NTM: variants seen among roughly 807,000 people sequenced by gnomAD.
NTM encodes the protein neurotrimin, also known as IgLON family member 2.
In NTM, 13 loss-of-function variants were observed where a neutral mutation model predicts 42.1. The ratio of observed to expected loss-of-function variants is 0.31; its 90% CI spans 0.20 to 0.49. The LOEUF (loss-of-function observed/expected upper bound fraction) is 0.49. Among genes scored for constraint, NTM ranks in the 20% least tolerant of loss-of-function variants. The pLI, the probability that NTM is intolerant of heterozygous loss-of-function variation, is 0.99. For synonymous variants in NTM, 187 were observed against 179.2 expected (o/e 1.04, Z -0.35); for missense variants, 373 against 452.8 (o/e 0.82, Z 1.60).
chr11:131,664,763 T>G lies in NTM; in HGVS notation c.83-246801T>G, dbSNP rs977400221. On this transcript the variant is annotated intron_variant, in intron 1 of 8. Transcript: ENST00000683400. ...CTGCTCTCTTCCATTGTTTTTTTTT[T>G]TTTTTTTTTTTTTTTTAGATTTTAA... Among the ~76,000 whole-genome samples, 368 of 150,262 alleles carry G rather than the reference T, an allele frequency of 2.4e-3. 2 individuals are homozygous for G. Among genetic ancestry groups the G allele is most frequent in the African/African-American group, 8.6e-3 (352 of 40,730 alleles).
At chr11:131,959,894 A>C (rs1173380355) in intron 2 of NTM, among the ~76,000 whole-genome samples, 1 of 152,190 alleles carries the variant, frequency 6.6e-6, no homozygotes, top group Non-Finnish European at 1.5e-5. Context: ...ACAAAAGGGA[A>C]AGTTTTCCTT....
intron 1 of NTM, among the ~76,000 whole-genome samples, chr11:131,563,359 G>A (rs1023939754): frequency 6.6e-6 from 1 of 152,102 alleles, no homozygotes; most frequent in Non-Finnish European, 1.5e-5. Context: ...TGTCAAGGAC[G>A]GCACTCTCTA....
intron 1 of NTM, among the ~76,000 whole-genome samples, chr11:131,773,545 C>T (rs1420695880): frequency 6.6e-6 from 1 of 152,084 alleles, no homozygotes; most frequent in Non-Finnish European, 1.5e-5. Flanking sequence ...TGTTGTTGTC[C>T]AGCATTTTCT....
At chr11:131,532,382 T>C (rs2051415429) in intron 1 of NTM, among the ~76,000 whole-genome samples, 1 of 152,212 alleles carries the variant, frequency 6.6e-6, no homozygotes, top group Non-Finnish European at 1.5e-5. Context: ...ATCTATGTTG[T>C]AGCGGGTATC....
At chr11:131,739,200 T>C (rs1453053452) in intron 1 of NTM, among the ~76,000 whole-genome samples, 1 of 151,580 alleles carries the variant, frequency 6.6e-6, no homozygotes, top group Non-Finnish European at 1.5e-5. Flanking sequence ...TTTTTTTTTT[T>C]AAAGAGTCCA....
intron 3 of NTM, among the ~76,000 whole-genome samples, chr11:132,195,716 C>T (rs1369062818): frequency 6.6e-6 from 1 of 152,118 alleles, no homozygotes; most frequent in Non-Finnish European, 1.5e-5. Context: ...AAAGGACTCC[C>T]TATTCAATAG....
At chr11:131,766,079 G>T (rs1319237093) in intron 1 of NTM, among the ~76,000 whole-genome samples, 1 of 152,092 alleles carries the variant, frequency 6.6e-6, no homozygotes, top group African/African-American at 2.4e-5. Context: ...GCATGGAGGG[G>T]GCTGACTGAG....
chr11:131,607,549 G>A (rs1027326068), intron 1 of NTM, among the ~76,000 whole-genome samples: 2 of 152,060 alleles, frequency 1.3e-5, no homozygotes, highest in African/African-American at 4.8e-5. Context: ...CTCAATGATG[G>A]CCTCTCTCTC....
chr11:131,810,791 G>T (rs2092702419), intron 1 of NTM, among the ~76,000 whole-genome samples: 1 of 152,142 alleles, frequency 6.6e-6, no homozygotes, highest in Non-Finnish European at 1.5e-5. Context: ...CAGATGGATT[G>T]CCTAGTCAGC....
Position 131,632,673 on chromosome 11 carries a change from C to CTTTTTTTTTTTT in NTM, c.82+261793_82+261804dup, listed in dbSNP as rs529612626. 1.7e-3 allele frequency among the ~76,000 whole-genome samples: 139 copies of CTTTTTTTTTTTT among 83,082 alleles called. 8 individuals are homozygous for CTTTTTTTTTTTT. Among genetic ancestry groups the CTTTTTTTTTTTT allele is most frequent in the African/African-American group, 1.8e-3 (36 of 20,128 alleles). 54.5% of individuals were successfully genotyped at this position (83,082 alleles called of 152,430 possible). A position where few individuals can be genotyped will look rare whatever the true frequency, so the allele number is the denominator to read the frequency against. ...TTTCATCTTGGTCATGCTCGGGCAG[C>CTTTTTTTTTTTT]TTTTTTTTTTTTTTTTTTTGAGACG... On this transcript the variant is annotated intron_variant, in intron 1 of 8. Coordinates refer to ENST00000683400, the MANE Select transcript of NTM (RefSeq NM_001352005.2).
At chr11:132,110,940 C>T (rs570376311) in intron 2 of NTM, among the ~76,000 whole-genome samples, 85 of 150,644 alleles carry the variant, frequency 5.6e-4, no homozygotes, top group African/African-American at 2.0e-3. Context: ...GTGATGTGTG[C>T]ACCTGCAGTC....
At chr11:131,745,100 G>T (rs1008698432) in intron 1 of NTM, among the ~76,000 whole-genome samples, 4 of 152,214 alleles carry the variant, frequency 2.6e-5, no homozygotes, top group Admixed American at 2.0e-4. Context: ...TTCCACTGGG[G>T]TTGTGCTGAC....
At chr11:131,931,837 C>A (rs1008824415) in intron 2 of NTM, among the ~76,000 whole-genome samples, 1 of 152,110 alleles carries the variant, frequency 6.6e-6, no homozygotes, top group Non-Finnish European at 1.5e-5. Context: ...TCTATGAGGG[C>A]CAGGGCGGCT....
intron 1 of NTM, among the ~76,000 whole-genome samples, chr11:131,573,762 C>T (rs539486191): frequency 4.6e-5 from 7 of 152,284 alleles, no homozygotes; most frequent in East Asian, 1.9e-4. Context: ...ATGGAAAGAT[C>T]GGGCCCTTTC....
At position 132,185,314 on chromosome 11, in the gene NTM, A is replaced by T. The variant is rs894851135; in HGVS notation, c.401-26708A>T. Among the ~76,000 whole-genome samples, 3 of 152,188 alleles carry T rather than the reference A, an allele frequency of 2.0e-5. 1 individual carries two copies. The highest frequency in any genetic ancestry group is 2.0e-4 in the Admixed American group (3 of 15,286). On this transcript the variant is annotated intron_variant, in intron 3 of 8. Transcript: ENST00000683400. Reference sequence around the variant, plus strand: ...ACATTTATGCACACATTTTCTTGAGATATCAAGGCTTTTATGTTCCCCATA... The same window carrying T: ...ACATTTATGCACACATTTTCTTGAGTTATCAAGGCTTTTATGTTCCCCATA...
At chr11:132,288,907 C>G (rs2094353064) in intron 4 of NTM, among the ~76,000 whole-genome samples, 1 of 152,174 alleles carries the variant, frequency 6.6e-6, no homozygotes, top group Non-Finnish European at 1.5e-5. Flanking sequence ...AGGAGTGAGC[C>G]ACCATGCCTG....
At chr11:131,660,400 G>A (rs1321148087) in intron 1 of NTM, 2 of 450,512 alleles carry the variant, frequency 4.4e-6, no homozygotes, top group South Asian at 3.1e-5. Flanking sequence ...GTGAGGGAGG[G>A]AGAGAGGAGG....
chr11:132,149,229 T>TGCAAAAAAA (rs2071293396), intron 3 of NTM, among the ~76,000 whole-genome samples: 1 of 29,380 alleles, frequency 3.4e-5, no homozygotes, highest in Non-Finnish European at 8.2e-5. Flanking sequence ...CATCCTGGAT[T>TGCAAAAAAA]ACAAAAAAAA....
chr11:131,606,479 G>A (rs1421399826), intron 1 of NTM, among the ~76,000 whole-genome samples: 2 of 152,228 alleles, frequency 1.3e-5, no homozygotes, highest in Non-Finnish European at 2.9e-5. Flanking sequence ...TAGATGCTGA[G>A]TGATTCCTCA....
Sources: gnomAD v4.1 joint callset for allele counts (sites outside exome capture counted in the v4.1 genomes callset) on GRCh38, gnomAD v4.1.1 for gene constraint, MANE v1.5 for transcripts, NCBI Gene and HGNC (gene_info 2026-07-23, HGNC 2026-07-21) for gene names.